The following ARHGEF10 variants were observed in gnomAD, a reference collection of about 807,000 sequenced individuals.
ARHGEF10 encodes Rho guanine nucleotide exchange factor 10.
In ARHGEF10, 140 loss-of-function variants were observed where a neutral mutation model predicts 147.4. The observed-to-expected ratio is 0.95, with a 90% CI of 0.83 to 1.09. The LOEUF (loss-of-function observed/expected upper bound fraction) is 1.09. ARHGEF10 is among the 50% of genes least tolerant of loss of function. ARHGEF10 has a pLI of 0.00. For synonymous variants in ARHGEF10, 902 were observed against 695.8 expected, an observed-to-expected ratio of 1.30 and a Z score of -4.67; for missense variants, 2,222 against 1,752.7, an observed-to-expected ratio of 1.27 and a Z score of -4.78.
intron 25 of ARHGEF10, among the ~76,000 whole-genome samples, chr8:1,930,801 C>A (rs547377311): frequency 2.2e-4 from 33 of 152,334 alleles, no homozygotes; most frequent in African/African-American, 7.7e-4. Context: ...GCACCTGCGC[C>A]AAGAAGGCCT....
At chr8:1,930,830 G>C (rs541143074) in intron 25 of ARHGEF10, among the ~76,000 whole-genome samples, 6 of 150,232 alleles carry the variant, frequency 4.0e-5, no homozygotes, top group Non-Finnish European at 6.0e-5. Flanking sequence ...TTCTCACTCC[G>C]GTAGGTGGAG....
chr8:1,874,304 G>A (rs570670128), intron 7 of ARHGEF10, among the ~76,000 whole-genome samples: 1 of 152,248 alleles, frequency 6.6e-6, no homozygotes, highest in South Asian at 2.1e-4. Flanking sequence ...CTAAGTAAAG[G>A]CGTCCAAACG....
chr8:1,843,708 T>G (rs954420460), intron 2 of ARHGEF10, among the ~76,000 whole-genome samples: 1 of 152,190 alleles, frequency 6.6e-6, no homozygotes, highest in Non-Finnish European at 1.5e-5. Context: ...TCCCTTAAGA[T>G]TCCCCTTAGC....
At chr8:1,851,133 GAA>G (rs1805106544) in intron 2 of ARHGEF10, among the ~76,000 whole-genome samples, 1 of 151,980 alleles carries the variant, frequency 6.6e-6, no homozygotes. Flanking sequence ...CAAACCCATA[GAA>G]GGCACAGCAC....
At chr8:1,942,366 T>C (rs1472553203) in intron 26 of ARHGEF10, among the ~76,000 whole-genome samples, 2 of 151,520 alleles carry the variant, frequency 1.3e-5, no homozygotes, top group Non-Finnish European at 2.9e-5. Flanking sequence ...ATGGTCAGCA[T>C]TGTTGCTTGT....
chr8:1,930,157 C>T lies in ARHGEF10; in HGVS notation c.3079+714C>T, dbSNP rs557828434. Among the ~76,000 whole-genome samples the T allele has an allele frequency of 4.6e-5, 7 of 151,974 alleles. No homozygotes were observed. In the East Asian group the frequency reaches 5.9e-4, roughly 13 times the overall value. ...CACTCAGCTCTGAGCGCAGGGGTGC[C>T]GAGCCCCAGCTGGATCCCAGCCAGT... On this transcript the variant is annotated intron_variant, in intron 25 of 28. Transcript: ENST00000349830.
intron 11 of ARHGEF10, among the ~76,000 whole-genome samples, chr8:1,888,183 TGAGGGTTTGCGAGGAGACACTTAGTGG>T (rs1808908335): frequency 2.4e-5 from 1 of 40,912 alleles, no homozygotes; most frequent in African/African-American, 2.3e-4. Context: ...GTGAGTGGGG[TGAGGGTTTGCGAGGAGACACTTAGTGG>T]GGCGAGGGTT....
At chr8:1,870,397 C>T (rs1004192412) in intron 7 of ARHGEF10, 6 of 152,102 alleles carry the variant, frequency 3.9e-5, no homozygotes, top group South Asian at 2.1e-4. Flanking sequence ...CTTTGCAAAT[C>T]ATATGAGAAA....
intron 1 of ARHGEF10, among the ~76,000 whole-genome samples, chr8:1,827,513 C>T (rs1793131243): frequency 6.6e-6 from 1 of 152,112 alleles, no homozygotes; most frequent in Admixed American, 6.5e-5. Context: ...GCCATGTTGG[C>T]CAGGCTGGTC....
chr8:1,926,938 G>A, intron 23 of ARHGEF10: 1 of 264,458 alleles, frequency 3.8e-6, no homozygotes, highest in Non-Finnish European at 7.3e-6. Context: ...AAGCTGTGTG[G>A]TCCCAGGCTC....
chr8:1,913,659 C>A (rs1253464375), intron 18 of ARHGEF10, among the ~76,000 whole-genome samples: 2 of 152,200 alleles, frequency 1.3e-5, no homozygotes, highest in Non-Finnish European at 2.9e-5. Flanking sequence ...AGGGGCCCTG[C>A]AGCTTCCAGA....
At chr8:1,889,812 A>G (rs1809280447) in intron 11 of ARHGEF10, among the ~76,000 whole-genome samples, 2 of 98,810 alleles carry the variant, frequency 2.0e-5, no homozygotes, top group Admixed American at 9.6e-5. Flanking sequence ...ACTTCATGGG[A>G]GGAGGGTTTG....
At chr8:1,952,031 A>T (rs1371079711) in intron 27 of ARHGEF10, among the ~76,000 whole-genome samples, 1 of 151,362 alleles carries the variant, frequency 6.6e-6, no homozygotes. Context: ...CTGCCGGAGC[A>T]AATTGTTTAG....
intron 1 of ARHGEF10, among the ~76,000 whole-genome samples, chr8:1,835,432 C>T (rs1803522435): frequency 6.6e-6 from 1 of 152,222 alleles, no homozygotes; most frequent in African/African-American, 2.4e-5. Context: ...CAGATGCAGA[C>T]AGGCTCCCGG....
rs1813712740 is a variant in ARHGEF10 at position 1,937,500 on chromosome 8, G to T, written c.3222+3558G>T. Among the ~76,000 whole-genome samples, 1 of 152,214 alleles carries T rather than the reference G, an allele frequency of 6.6e-6. No homozygotes were observed. The highest frequency in any genetic ancestry group is 1.5e-5 in the Non-Finnish European group (1 of 68,038). On this transcript the variant is annotated intron_variant, in intron 26 of 28. Coordinates refer to ENST00000349830, the MANE Select transcript of ARHGEF10 (RefSeq NM_014629.4). This position sits in a 1 kb window ranked among gnomAD's most constrained non-coding sequence, Gnocchi z 4.9. ...TAATTTATATGCTGTAAATCTCGAA[G>T]ACTCAGAGAGAAGCAATGTGTTTGG...
At chr8:1,888,928 G>A (rs1467254788) in intron 11 of ARHGEF10, among the ~76,000 whole-genome samples, 11 of 140,316 alleles carry the variant, frequency 7.8e-5, no homozygotes, top group Non-Finnish European at 1.4e-4. Context: ...ACAGTGGGGT[G>A]AGGGGTCTGT....
chr8:1,952,765 C>T lies in ARHGEF10; in HGVS notation c.3458C>T (p.Thr1153Ile), dbSNP rs1284667522. ...LVCHGLLMVG[T>I]SLGVLVALPV... ...TGCCACGGATTGCTGATGGTCGGCA[C>T]CAGCCTGGGAGTCCTCGTGGCCCTG... The change falls in exon 28 of 29, where the codon ACC becomes ATC. Residue 1153 changes from threonine to isoleucine, a missense_variant. Coordinates refer to ENST00000349830, the MANE Select transcript of ARHGEF10 (RefSeq NM_014629.4). 1 of 1,613,558 alleles carries T rather than the reference C, an allele frequency of 6.2e-7. No individual in the cohort carries two copies. The highest frequency in any genetic ancestry group is 1.1e-5 in the South Asian group (1 of 91,084).
intron 14 of ARHGEF10, among the ~76,000 whole-genome samples, chr8:1,897,633 T>C (rs3758009): frequency 0.027 from 3,594 of 134,166 alleles, 216 homozygotes; most frequent in South Asian, 0.077. Flanking sequence ...GGCATCGGAT[T>C]GCAGTTCCCA....
chr8:1,875,139 TAGGGG>T (rs1807572668), intron 7 of ARHGEF10, among the ~76,000 whole-genome samples: 1 of 37,812 alleles, frequency 2.6e-5, no homozygotes, highest in Non-Finnish European at 5.9e-5. Flanking sequence ...CGGGGCCGTG[TAGGGG>T]GTACAGGTTC....
Sources: gnomAD v4.1 joint callset for allele counts (sites outside exome capture counted in the v4.1 genomes callset) on GRCh38, gnomAD v4.1.1 for gene constraint, Gnocchi (gnomAD v3.1) non-coding constraint, MANE v1.5 for transcripts, NCBI Gene and HGNC (gene_info 2026-07-23, HGNC 2026-07-21) for gene names.